SLC43A1: variants seen among roughly 807,000 people sequenced by gnomAD.
SLC43A1 encodes the protein solute carrier family 43 member 1.
Under a neutral mutation model 59.5 loss-of-function variants are expected in SLC43A1, and 31 were observed. The observed-to-expected ratio is 0.52, with a 90% CI of 0.39 to 0.70. SLC43A1 has a LOEUF of 0.70. Ranked by LOEUF, SLC43A1 falls within the 30% of genes least tolerant of loss-of-function variation. The probability of loss-of-function intolerance (pLI) is 0.00; values close to 1 mark genes in which losing one functional copy is unlikely to be tolerated. For synonymous variants in SLC43A1, 259 were observed against 290.9 expected (o/e 0.89, Z 1.12); for missense variants, 598 against 717.8 (o/e 0.83, Z 1.91).
chr11:57,495,942 T>C, intron 7 of SLC43A1, 89 bp downstream of exon 7: 1 of 1,453,110 alleles, frequency 6.9e-7, no homozygotes, highest in Middle Eastern at 1.8e-4. Flanking sequence ...CAAGCCGAGG[T>C]CTCTCTGAAT....
rs143565114 is a variant in SLC43A1, at chr11:57,485,157, T to A, written c.1619A>T (p.Glu540Val). Residue 540 changes from glutamate to valine, a missense_variant, in exon 15 of 15, where the codon GAG becomes GTG. By Grantham distance (121) the Glu-to-Val change is moderately radical (BLOSUM62 -2). Transcript: ENST00000278426. ...LFYYRARLQQ[E>V]YAANGMGPLK... is the part of the protein sequence containing the mutation. ...TGGGCCCATCCCATTGGCGGCGTAC[T>A]CCTGCTGGAGCCGGGCACGGTAATA... The A allele has an allele frequency of 6.2e-7, 1 of 1,614,034 alleles. No individual in the cohort carries two copies. Among genetic ancestry groups the A allele is most frequent in the Non-Finnish European group, 8.5e-7 (1 of 1,180,012 alleles).
At chr11:57,485,342 C>T (rs1288694730) in intron 14 of SLC43A1, 100 bp from the exon 15 acceptor site, 1 of 1,135,252 alleles carries the variant, frequency 8.8e-7, no homozygotes, top group East Asian at 2.6e-5. Context: ...AGGTCCTGAG[C>T]CAGAATAAAT....
At position 57,489,392 on chromosome 11, in the gene SLC43A1, C is replaced by T. The variant is rs1943836257; in HGVS notation, c.1194G>A (p.Arg398=). 1.2e-6 allele frequency: 2 copies of T among 1,613,930 alleles called. No homozygotes were observed. Among genetic ancestry groups the T allele is most frequent in the African/African-American group, 2.7e-5 (2 of 74,894 alleles). The change falls in exon 12 of 15, where the codon AGG becomes AGA. Residue 398 remains arginine (R), a splice_region_variant and synonymous_variant. Transcript: ENST00000278426. ...PTQGTVLGDA[R]DGVATKSIRP... ...TGATGGATTTGGTAGCAACCCCGTC[C>T]CTGAGGAGTACGGGAAGTCACTGGC...
intron 11 of SLC43A1, 108 bp from the exon 12 acceptor site, chr11:57,489,500 GA>G (rs1943840545): frequency 1.5e-6 from 2 of 1,309,772 alleles, no homozygotes; most frequent in Non-Finnish European, 1.1e-6. Context: ...CAGGGCAGCA[GA>G]AAACACAGAA....
At chr11:57,492,325 C>T (rs1278588279) in intron 8 of SLC43A1, among the ~76,000 whole-genome samples, 1 of 141,488 alleles carries the variant, frequency 7.1e-6, no homozygotes, top group Non-Finnish European at 1.5e-5. Flanking sequence ...TGGTGGTGCA[C>T]ACCTGTATTC....
chr11:57,498,650 C>T (rs1474781390), intron 5 of SLC43A1, among the ~76,000 whole-genome samples: 2 of 152,080 alleles, frequency 1.3e-5, no homozygotes, highest in African/African-American at 4.8e-5. Context: ...TTAACCCTCT[C>T]GGTTGACGTC....
At chr11:57,499,324 A>AGC (rs1204551804) in intron 5 of SLC43A1, among the ~76,000 whole-genome samples, 1 of 66,710 alleles carries the variant, frequency 1.5e-5, no homozygotes, top group Non-Finnish European at 3.1e-5. Flanking sequence ...ACTCCGTCTC[A>AGC]ACAAAAAAAA....
Position 57,489,309 on chromosome 11 carries a change from G to A in SLC43A1, c.1277C>T (p.Thr426Ile). ...LTNAISAFTL[T>I]NLLLVGFGIT... ...GCCAAAACCCACAAGCAGCAGGTTG[G>A]TCAGGGTGAAGGCACTGATGGCATT... Residue 426 changes from threonine (T) to isoleucine (I), a missense_variant, in exon 12 of 15, where the codon ACC (threonine) becomes ATC (isoleucine). By Grantham distance (89) the Thr-to-Ile change is moderately conservative. Coordinates refer to ENST00000278426, the MANE Select transcript of SLC43A1 (RefSeq NM_003627.6). The A allele has an allele frequency of 6.2e-7, 1 of 1,614,214 alleles. No homozygotes were observed. Among genetic ancestry groups the A allele is most frequent in the Non-Finnish European group, 8.5e-7 (1 of 1,180,048 alleles).
At chr11:57,491,689 C>T (rs1379197104) in intron 9 of SLC43A1, 27 bp downstream of exon 9, 1 of 1,614,194 alleles carries the variant, frequency 6.2e-7, no homozygotes, top group Admixed American at 1.7e-5. Flanking sequence ...GTGCCCCCAA[C>T]CCCCAGGGGC....
intron 14 of SLC43A1, 42 bp downstream of exon 14, chr11:57,487,053 G>A (rs768771165): frequency 2.5e-6 from 4 of 1,605,476 alleles, no homozygotes; most frequent in South Asian, 1.1e-5. Context: ...CTGCCCCCAG[G>A]AGAGTGGCTC....
At chr11:57,510,462 A>AT (rs1279000915) in intron 2 of SLC43A1, among the ~76,000 whole-genome samples, 2 of 143,316 alleles carry the variant, frequency 1.4e-5, no homozygotes, top group Non-Finnish European at 3.2e-5. Context: ...CATCTCAAAA[A>AT]AAAAAAAAAA....
chr11:57,489,107 A>G, intron 12 of SLC43A1, 118 bp from the exon 13 acceptor site: 2 of 1,422,290 alleles, frequency 1.4e-6, no homozygotes, highest in Non-Finnish European at 9.8e-7. Flanking sequence ...AACCCAATCT[A>G]CTAGAAACAC....
In SLC43A1 at chr11:57,514,527, C is replaced by T. The variant is rs775470166; in HGVS notation, c.-13-403G>A. The T allele has an allele frequency of 2.8e-5, 5 of 175,724 alleles. No individual in the cohort carries two copies. 10.9% of individuals were successfully genotyped at this position (175,724 alleles called of 1,614,324 possible). A position where few individuals can be genotyped will look rare whatever the true frequency, so the allele number is the denominator to read the frequency against. On this transcript the variant is annotated intron_variant, in intron 1 of 14. Coordinates refer to ENST00000278426, the MANE Select transcript of SLC43A1 (RefSeq NM_003627.6). This position sits in a 1 kb window ranked among gnomAD's most constrained non-coding sequence, Gnocchi z 5.5. The stretch of plus-strand genomic sequence containing the variant: ...CACCGCGGGCCCATGTCCGGACTCT[C>T]GCGCCAGGAAAGACCCCTAGAAGCT...
At chr11:57,513,382 C>T (rs1475181037) in intron 2 of SLC43A1, among the ~76,000 whole-genome samples, 1 of 152,242 alleles carries the variant, frequency 6.6e-6, no homozygotes, top group African/African-American at 2.4e-5. Flanking sequence ...CTGCAGACAG[C>T]CTATGGCTGT....
At chr11:57,492,037 C>G (rs1179001455) in intron 8 of SLC43A1, among the ~76,000 whole-genome samples, 175 bp from the exon 9 acceptor site, 1 of 151,998 alleles carries the variant, frequency 6.6e-6, no homozygotes, top group African/African-American at 2.4e-5. Context: ...TTGCTCAGCT[C>G]AGAACATTTT....
rs2848634 is a variant in SLC43A1 at position 57,484,855 on chromosome 11, G to A, written c.*241C>T. 302,989 of 398,836 alleles carry A rather than the reference G, an allele frequency of 0.76. 115,771 individuals are homozygous for A. The highest frequency in any genetic ancestry group is 0.86 in the East Asian group (18,657 of 21,748). 24.7% of individuals were successfully genotyped at this position (398,836 alleles called of 1,614,324 possible). A position where few individuals can be genotyped will look rare whatever the true frequency, so the allele number is the denominator to read the frequency against. On this transcript the variant is annotated 3_prime_UTR_variant, in exon 15 of 15. Coordinates refer to ENST00000278426, the MANE Select transcript of SLC43A1 (RefSeq NM_003627.6). ...TCTCCTCCAACCCAAGGAGGAAGAA[G>A]GCTCAACCCCTCTAGGATAGGGACT...
intron 2 of SLC43A1, among the ~76,000 whole-genome samples, chr11:57,505,016 A>T (rs550172400): frequency 6.6e-6 from 1 of 152,346 alleles, no homozygotes; most frequent in Non-Finnish European, 1.5e-5. Context: ...GGTCTTTGGC[A>T]TCAACCCCCA....
chr11:57,510,685 A>G (rs1220668234), intron 2 of SLC43A1, among the ~76,000 whole-genome samples: 1 of 151,610 alleles, frequency 6.6e-6, no homozygotes, highest in Non-Finnish European at 1.5e-5. Context: ...AAAAATTAAA[A>G]TTAAATTTAA....
chr11:57,494,813 C>T (rs972335118), intron 7 of SLC43A1, among the ~76,000 whole-genome samples: 6 of 151,986 alleles, frequency 3.9e-5, no homozygotes, highest in African/African-American at 1.5e-4. Context: ...AGATCTCCTC[C>T]AAACCCAGAA....
Sources: gnomAD v4.1 joint callset for allele counts (sites outside exome capture counted in the v4.1 genomes callset) on GRCh38, gnomAD v4.1.1 for gene constraint, Gnocchi (gnomAD v3.1) non-coding constraint, MANE v1.5 for transcripts, NCBI Gene and HGNC (gene_info 2026-07-23, HGNC 2026-07-21) for gene names.